The following NXPE2 variants were observed in gnomAD, a reference collection of about 807,000 sequenced individuals.
The protein encoded by NXPE2 is NXPE family member 2.
In NXPE2, 34 loss-of-function variants were observed where a neutral mutation model predicts 34.4. The ratio of observed to expected loss-of-function variants is 0.99; its 90% CI spans 0.75 to 1.31. The LOEUF (loss-of-function observed/expected upper bound fraction) is 1.31. Among genes scored for constraint, NXPE2 ranks in the 40% most tolerant of loss-of-function variants. The probability of loss-of-function intolerance (pLI) is 0.00; values close to 1 mark genes in which losing one functional copy is unlikely to be tolerated. For synonymous variants in NXPE2, 235 were observed against 231.3 expected (o/e 1.02, Z -0.15); for missense variants, 649 against 672.5 (o/e 0.97, Z 0.39).
chr11:114,754,554 A>C, the NXPE2 span, among the ~76,000 whole-genome samples: 415 of 152,300 alleles, frequency 2.7e-3, no homozygotes, highest in African/African-American at 8.8e-3. Context: ...GCCATGGTGG[A>C]CTGGCTGGCA....
the NXPE2 span, among the ~76,000 whole-genome samples, chr11:114,493,040 TTTA>T: frequency 6.6e-6 from 1 of 152,220 alleles, no homozygotes; most frequent in Non-Finnish European, 1.5e-5. Flanking sequence ...AATTGACCAT[TTTA>T]TTATTATATA....
chr11:114,547,263 A>G, the NXPE2 span, among the ~76,000 whole-genome samples: 2 of 152,214 alleles, frequency 1.3e-5, no homozygotes, highest in African/African-American at 4.8e-5. Flanking sequence ...TGATGTGATG[A>G]GTGGAAGACC....
chr11:114,612,008 G>T, the NXPE2 span, among the ~76,000 whole-genome samples: 3 of 151,788 alleles, frequency 2.0e-5, no homozygotes, highest in Non-Finnish European at 4.4e-5. Context: ...AATAAGTCAT[G>T]CCTCATGGGT....
the NXPE2 span, chr11:114,529,901 TATC>T: frequency 1.3e-5 from 5 of 371,348 alleles, no homozygotes; most frequent in East Asian, 2.2e-4. Flanking sequence ...GCATGGATGT[TATC>T]ATACACTTAT....
At chr11:114,499,016 A>G in the NXPE2 span, among the ~76,000 whole-genome samples, 2 of 152,090 alleles carry the variant, frequency 1.3e-5, no homozygotes, top group Non-Finnish European at 2.9e-5. Context: ...TCTGGATATG[A>G]TACAGCTTTT....
the NXPE2 span, among the ~76,000 whole-genome samples, chr11:114,637,084 A>T: frequency 6.6e-6 from 1 of 151,666 alleles, no homozygotes; most frequent in Non-Finnish European, 1.5e-5. Flanking sequence ...CCCATTATTA[A>T]CGTGTGGGAG....
chr11:114,522,976 T>C, the NXPE2 span: 2 of 1,613,764 alleles, frequency 1.2e-6, no homozygotes, highest in South Asian at 2.2e-5. Context: ...TTATCTTAAT[T>C]GTGTCTAACT....
At chr11:114,653,997 G>A in the NXPE2 span, among the ~76,000 whole-genome samples, 14 of 152,198 alleles carry the variant, frequency 9.2e-5, no homozygotes, top group South Asian at 2.3e-3. Context: ...AGGCATACCC[G>A]GCAGAGGGAA....
At chr11:114,804,957 T>C in the NXPE2 span, among the ~76,000 whole-genome samples, 1 of 151,550 alleles carries the variant, frequency 6.6e-6, no homozygotes, top group African/African-American at 2.4e-5. Context: ...TAATTTCCCT[T>C]ATGAAACTCC....
chr11:114,781,971 A>G, the NXPE2 span, among the ~76,000 whole-genome samples: 1 of 152,208 alleles, frequency 6.6e-6, no homozygotes. Flanking sequence ...ACATATGTGC[A>G]GTCGTCCCTC....
the NXPE2 span, among the ~76,000 whole-genome samples, chr11:114,626,769 G>A: frequency 1.3e-5 from 2 of 152,006 alleles, no homozygotes; most frequent in African/African-American, 4.8e-5. Context: ...TGAAAACTTT[G>A]AAAAAAATTT....
the NXPE2 span, among the ~76,000 whole-genome samples, chr11:114,508,008 A>C: frequency 1.3e-5 from 2 of 152,184 alleles, no homozygotes; most frequent in African/African-American, 4.8e-5. Flanking sequence ...GCCTCAGCCC[A>C]AAAGCTTCTT....
At chr11:114,522,542 A>C in the NXPE2 span, 1 of 1,460,376 alleles carries the variant, frequency 6.8e-7, no homozygotes, top group Non-Finnish European at 9.3e-7. Flanking sequence ...ATAGAAGATA[A>C]TGGTTAATAT....
the NXPE2 span, among the ~76,000 whole-genome samples, chr11:114,639,828 A>T: frequency 1.1e-5 from 1 of 89,020 alleles, no homozygotes; most frequent in Non-Finnish European, 2.2e-5. Flanking sequence ...AATATAATAT[A>T]TATTATATTA....
Position 114,678,621 on chromosome 11 carries a change from T to A in NXPE2, c.26+20T>A. ...CCATAGGTGTGGTACTTTCCAACTCTTACTGCCAAGCTAACGTCAGGGAAG... is the reference window on the plus strand; with the variant it reads ...CCATAGGTGTGGTACTTTCCAACTCATACTGCCAAGCTAACGTCAGGGAAG... On this transcript the variant is annotated intron_variant, in intron 1 of 5. Coordinates refer to ENST00000389586, the MANE Select transcript of NXPE2 (RefSeq NM_182495.6). 6.5e-7 allele frequency: 1 copy of A among 1,543,096 alleles called. No homozygotes were observed. Among genetic ancestry groups the A allele is most frequent in the Non-Finnish European group, 8.8e-7 (1 of 1,139,240 alleles).
At chr11:114,537,049 G>A in the NXPE2 span, among the ~76,000 whole-genome samples, 2 of 152,082 alleles carry the variant, frequency 1.3e-5, no homozygotes, top group African/African-American at 4.8e-5. Flanking sequence ...CTGGCAAACC[G>A]AATCCAGCAA....
At chr11:114,534,409 C>A in the NXPE2 span, among the ~76,000 whole-genome samples, 6 of 152,190 alleles carry the variant, frequency 3.9e-5, no homozygotes, top group Non-Finnish European at 8.8e-5. Flanking sequence ...CAGCTCCTCA[C>A]CAGCAACAGA....
the NXPE2 span, among the ~76,000 whole-genome samples, chr11:114,737,697 G>A: frequency 6.6e-6 from 1 of 152,154 alleles, no homozygotes; most frequent in South Asian, 2.1e-4. Flanking sequence ...TCTAGGGTTT[G>A]AGGGGTTCTC....
the NXPE2 span, among the ~76,000 whole-genome samples, chr11:114,514,082 CAT>C: frequency 1.4e-4 from 22 of 152,152 alleles, no homozygotes; most frequent in South Asian, 4.1e-4. Context: ...GCATATATAA[CAT>C]ATGTTTTCTT....
Sources: gnomAD v4.1 joint callset for allele counts (sites outside exome capture counted in the v4.1 genomes callset) on GRCh38, gnomAD v4.1.1 for gene constraint, MANE v1.5 for transcripts, NCBI Gene and HGNC (gene_info 2026-07-23, HGNC 2026-07-21) for gene names.